Variants in FRMPD1 observed in about 807,000 individuals in gnomAD.
The protein encoded by FRMPD1 is FERM and PDZ domain-containing protein 1.
In FRMPD1, 76 loss-of-function variants were observed where a neutral mutation model predicts 117.8. The observed-to-expected ratio is 0.65, with a 90% confidence interval of 0.54 to 0.78. The LOEUF is 0.78. Ranked by LOEUF, FRMPD1 falls within the 30% of genes least tolerant of loss-of-function variation. FRMPD1 has a pLI of 0.00. For synonymous variants in FRMPD1, 783 were observed against 770.4 expected, an observed-to-expected ratio of 1.02 and a Z score of -0.27; for missense variants, 1,786 against 1,964.5, an observed-to-expected ratio of 0.91 and a Z score of 1.72.
At chr9:37,670,528 G>A (rs897136874) in intron 1 of FRMPD1, among the ~76,000 whole-genome samples, 2 of 152,180 alleles carry the variant, frequency 1.3e-5, no homozygotes, top group African/African-American at 2.4e-5. Context: ...TCAAAGCATG[G>A]CGGGAGGCTC....
the FRMPD1 span, among the ~76,000 whole-genome samples, chr9:37,615,117 T>C: frequency 1.6e-4 from 24 of 152,274 alleles, no homozygotes; most frequent in East Asian, 5.8e-4. Context: ...TTCTTTCTTT[T>C]TTTTTTGTGT....
chr9:37,636,892 G>A, the FRMPD1 span: 1 of 1,610,558 alleles, frequency 6.2e-7, no homozygotes, highest in Non-Finnish European at 8.5e-7. Context: ...CCTTGGCTGT[G>A]GTGTTGTCCA....
rs750395582 is a variant in FRMPD1, at chr9:37,707,424, T to C, written c.110T>C (p.Val37Ala). The C allele has an allele frequency of 1.2e-6, 2 of 1,613,622 alleles. No homozygotes were observed. Among genetic ancestry groups the C allele is most frequent in the East Asian group, 2.2e-5 (1 of 44,874 alleles). Reference sequence around the variant, plus strand: ...TACTCCTTCTCTTCCAGGGCTAAAGTTGCTGCAGCTGATGGGCCCGCCAGG... The same window carrying C: ...TACTCCTTCTCTTCCAGGGCTAAAGCTGCTGCAGCTGATGGGCCCGCCAGG... ...RSRDSSARAK[V>A]AAADGPARNP... Residue 37 changes from valine to alanine, a missense_variant, in exon 3 of 16, where the codon GTT (valine) becomes GCT (alanine). Transcript: ENST00000377765.
At chr9:37,636,770 G>A in the FRMPD1 span, 1 of 1,607,986 alleles carries the variant, frequency 6.2e-7, no homozygotes, top group South Asian at 1.1e-5. Flanking sequence ...GGCTGCTCCG[G>A]GCCCCATCTG....
chr9:37,619,578 C>CA, the FRMPD1 span, among the ~76,000 whole-genome samples: 440 of 151,978 alleles, frequency 2.9e-3, 1 homozygote, highest in Middle Eastern at 0.02. Context: ...GCCAACATAG[C>CA]AAAACCCCAT....
chr9:37,607,854 CTT>C, the FRMPD1 span, among the ~76,000 whole-genome samples: 14,397 of 152,282 alleles, frequency 0.095, 846 homozygotes, highest in Middle Eastern at 0.15. Flanking sequence ...CATACCAGCT[CTT>C]GTTTCTACTT....
At chr9:37,608,603 A>G in the FRMPD1 span, among the ~76,000 whole-genome samples, 1 of 152,050 alleles carries the variant, frequency 6.6e-6, no homozygotes, top group Non-Finnish European at 1.5e-5. Context: ...TCAGCCTCCC[A>G]AGTAGCTGGA....
chr9:37,652,110 T>C (rs1313830706), intron 1 of FRMPD1, among the ~76,000 whole-genome samples: 2 of 152,178 alleles, frequency 1.3e-5, no homozygotes, highest in African/African-American at 4.8e-5. Context: ...TCAGGAAGCG[T>C]TTCTGTTTGT....
intron 1 of FRMPD1, among the ~76,000 whole-genome samples, chr9:37,672,393 G>A (rs200017452): frequency 2.3e-5 from 2 of 86,234 alleles, no homozygotes; most frequent in Non-Finnish European, 4.0e-5. Flanking sequence ...AGGCTTGAGA[G>A]GGGGAGTGGG....
chr9:37,737,056 T>G (rs1186038594), intron 13 of FRMPD1, 40 bp from the exon 14 acceptor site: 3 of 1,555,858 alleles, frequency 1.9e-6, no homozygotes, highest in South Asian at 1.1e-5. Flanking sequence ...GACTGTCCCT[T>G]GGTCCTTGAT....
the FRMPD1 span, chr9:37,636,875 G>C: frequency 1.4e-4 from 222 of 1,611,054 alleles, no homozygotes; most frequent in African/African-American, 2.7e-3. Flanking sequence ...CAAAGAGTCT[G>C]CAAACTCCTT....
the FRMPD1 span, among the ~76,000 whole-genome samples, chr9:37,634,806 G>A: frequency 6.6e-5 from 10 of 151,418 alleles, no homozygotes; most frequent in Non-Finnish European, 2.9e-5. Flanking sequence ...GAACATGCAG[G>A]TGTGTTACAT....
At chr9:37,640,343 G>A in the FRMPD1 span, among the ~76,000 whole-genome samples, 1 of 152,190 alleles carries the variant, frequency 6.6e-6, no homozygotes, top group African/African-American at 2.4e-5. Flanking sequence ...AGTTATGGGG[G>A]AAGAAGGGGT....
intron 1 of FRMPD1, among the ~76,000 whole-genome samples, chr9:37,665,201 T>C (rs951055242): frequency 6.6e-6 from 1 of 152,268 alleles, no homozygotes; most frequent in African/African-American, 2.4e-5. Flanking sequence ...GTTGAAAATG[T>C]GTCTTTTCAC....
the FRMPD1 span, among the ~76,000 whole-genome samples, chr9:37,635,847 C>A: frequency 6.6e-6 from 1 of 152,112 alleles, no homozygotes; most frequent in Non-Finnish European, 1.5e-5. Flanking sequence ...CTCCAGAGAC[C>A]GAGGGGAGAG....
chr9:37,715,685 A>G, intron 5 of FRMPD1: 2 of 456,240 alleles, frequency 4.4e-6, no homozygotes, highest in Non-Finnish European at 8.8e-6. Context: ...AAGTGGGTGT[A>G]AGTAGGTGGT....
chr9:37,733,199 C>G (rs1823968304), intron 10 of FRMPD1, among the ~76,000 whole-genome samples: 1 of 152,108 alleles, frequency 6.6e-6, no homozygotes, highest in Non-Finnish European at 1.5e-5. Context: ...GAAAAAGATT[C>G]AGAACTCCTG....
chr9:37,662,565 C>T (rs1821033196), intron 1 of FRMPD1, among the ~76,000 whole-genome samples: 1 of 152,118 alleles, frequency 6.6e-6, no homozygotes, highest in Non-Finnish European at 1.5e-5. Context: ...AGAGACTAGC[C>T]ACTTGATCAA....
At position 37,675,806 on chromosome 9, in the gene FRMPD1, G is replaced by A. The variant is rs1821509139; in HGVS notation, c.-4-16832G>A. Among the ~76,000 whole-genome samples, 2 of 152,174 alleles carry A rather than the reference G, an allele frequency of 1.3e-5. 1 individual carries two copies. Among genetic ancestry groups the A allele is most frequent in the Non-Finnish European group, 2.9e-5 (2 of 68,042 alleles). On this transcript the variant is annotated intron_variant, in intron 1 of 15. Transcript: ENST00000377765. Reference sequence around the variant, plus strand: ...TGGAAATGGAGGTATTAGAAGAAGAGACTTGCTGAGAGCCACACAGGGCGC... The same window carrying A: ...TGGAAATGGAGGTATTAGAAGAAGAAACTTGCTGAGAGCCACACAGGGCGC...
Sources: gnomAD v4.1 joint callset for allele counts (sites outside exome capture counted in the v4.1 genomes callset) on GRCh38, gnomAD v4.1.1 for gene constraint, MANE v1.5 for transcripts, NCBI Gene and HGNC (gene_info 2026-07-23, HGNC 2026-07-21) for gene names.